MED10: variants seen among roughly 807,000 people sequenced by gnomAD.
MED10 encodes the protein mediator of RNA polymerase II transcription subunit 10.
MED10 carries 9 observed loss-of-function variants against 17.2 expected under a neutral mutation model. That is an observed-to-expected ratio of 0.52 (90% confidence interval 0.31 to 0.91). The LOEUF is 0.91. Ranked by LOEUF, MED10 falls within the 40% of genes least tolerant of loss-of-function variation. MED10 has a pLI of 0.04. For missense variants in MED10, 129 were observed against 164.8 expected (o/e 0.78, Z 1.19); for synonymous variants, 66 against 59.8 (o/e 1.10, Z -0.48).
At chr5:6,374,517 AT>A in intron 2 of MED10, 91 bp from the exon 3 acceptor site, 1 of 900,996 alleles carries the variant, frequency 1.1e-6, no homozygotes, top group Non-Finnish European at 1.8e-6. Context: ...AAGGTTAGGT[AT>A]ATATAACTGC....
rs1352078719 is a variant in MED10 at position 6,371,970 on chromosome 5, C to T, written c.*533G>A. 6.6e-6 allele frequency: 1 copy of T among 152,256 alleles called. No individual in the cohort carries two copies. Among genetic ancestry groups the T allele is most frequent in the African/African-American group, 2.4e-5 (1 of 41,426 alleles). The allele number at this position is 152,256 out of a possible 1,614,324, so 9.4% of individuals were successfully genotyped here. A position where few individuals can be genotyped will look rare whatever the true frequency, so the allele number is the denominator to read the frequency against. ...ATTATAGGCATGTCTAATTGAAATCCATGAAAACAGTTACATTTAAAACAT... is the reference window on the plus strand; with the variant it reads ...ATTATAGGCATGTCTAATTGAAATCTATGAAAACAGTTACATTTAAAACAT... On this transcript the variant is annotated 3_prime_UTR_variant, in exon 4 of 4. Coordinates refer to ENST00000255764, the MANE Select transcript of MED10 (RefSeq NM_032286.3).
At chr5:6,372,711 C>T in intron 3 of MED10, 110 bp from the exon 4 acceptor site, 1 of 789,458 alleles carries the variant, frequency 1.3e-6, no homozygotes, top group Non-Finnish European at 2.1e-6. Flanking sequence ...CAATACAGGG[C>T]CACGGGACTG....
At chr5:6,378,285 C>G in intron 1 of MED10, 77 bp downstream of exon 1, 1 of 1,466,318 alleles carries the variant, frequency 6.8e-7, no homozygotes, top group Non-Finnish European at 9.0e-7. Flanking sequence ...CTCGGGCTCC[C>G]TAGATCCCCG....
At chr5:6,374,162 T>C (rs1293610905) in intron 3 of MED10, among the ~76,000 whole-genome samples, 162 bp downstream of exon 3, 1 of 152,254 alleles carries the variant, frequency 6.6e-6, no homozygotes, top group African/African-American at 2.4e-5. Context: ...GCAGCTGATA[T>C]CTAATTTTAC....
In MED10 at chr5:6,374,424, T is replaced by C. The variant is rs1737951533; in HGVS notation, c.209A>G (p.Tyr70Cys). The C allele has an allele frequency of 6.3e-7, 1 of 1,597,954 alleles. No individual in the cohort carries two copies. Among genetic ancestry groups the C allele is most frequent in the Non-Finnish European group, 8.6e-7 (1 of 1,165,970 alleles). The change falls in exon 3 of 4, where the codon TAT becomes TGT. Residue 70 changes from tyrosine (Y) to cysteine (C), a missense_variant and splice_region_variant. Tyr to Cys is a radical substitution (Grantham distance 194). Transcript: ENST00000255764. ...CTGGGGATTTCGACCTTGATCTATA[T>C]ATCTGGAAACACGATATATTTCAAT... ...DITVPLEVFE[Y>C]IDQGRNPQLY...
Position 6,372,558 on chromosome 5 carries a change from G to A in MED10, c.353C>T (p.Pro118Leu), listed in dbSNP as rs759745949. 1.7e-5 allele frequency: 28 copies of A among 1,614,010 alleles called. No homozygotes were observed. Among genetic ancestry groups the A allele is most frequent in the South Asian group, 3.3e-5 (3 of 91,076 alleles). Residue 118 changes from proline to leucine, a missense_variant, in exon 4 of 4, where the codon CCG becomes CTG. By Grantham distance (98) the Pro-to-Leu change is moderately conservative. This residue lies in a region of MED10 where 100 missense variants were observed against 121.0 expected (regional missense o/e 0.83). Coordinates refer to ENST00000255764, the MANE Select transcript of MED10 (RefSeq NM_032286.3). ...GCTTCGATACTTAGCCATGTCTTCC[G>A]GAAATACTTTAGAAAGTTCTTGAAT... ...LLIQELSKVF[P>L]EDMAKYRSIR...
At chr5:6,374,067 A>T (rs1175591360) in intron 3 of MED10, among the ~76,000 whole-genome samples, 2 of 152,246 alleles carry the variant, frequency 1.3e-5, no homozygotes, top group African/African-American at 4.8e-5. Context: ...AATGAAAATG[A>T]TCACAGCCAG....
chr5:6,377,279 G>C lies in MED10; in HGVS notation c.123-30C>G, dbSNP rs1738014746. 3.2e-6 allele frequency: 5 copies of C among 1,555,642 alleles called. No homozygotes were observed. The African/African-American group carries it at 6.8e-5, about 21-fold the overall frequency. Reference sequence around the variant, plus strand: ...GGGAAAGGCAAACACACAGGCATCTGGTTAATTTCGCTTGACAGCATAAGC... The same window carrying C: ...GGGAAAGGCAAACACACAGGCATCTCGTTAATTTCGCTTGACAGCATAAGC... On this transcript the variant is annotated intron_variant, in intron 1 of 3. Coordinates refer to ENST00000255764, the MANE Select transcript of MED10 (RefSeq NM_032286.3).
chr5:6,378,545 G>A lies in MED10; in HGVS notation c.-62C>T. 17 of 1,548,670 alleles carry A rather than the reference G, an allele frequency of 1.1e-5. No individual in the cohort carries two copies. The highest frequency in any genetic ancestry group is 1.4e-5 in the Non-Finnish European group (16 of 1,143,656). On this transcript the variant is annotated 5_prime_UTR_variant, in exon 1 of 4. Coordinates refer to ENST00000255764, the MANE Select transcript of MED10 (RefSeq NM_032286.3). ...AGCAGCGCCGCAGGCGTGGCCCTACGCTCCCGCTTCCTGCTTCCGTCCGGA... is the reference window on the plus strand; with the variant it reads ...AGCAGCGCCGCAGGCGTGGCCCTACACTCCCGCTTCCTGCTTCCGTCCGGA...
At chr5:6,378,221 G>T (rs866063260) in intron 1 of MED10, 141 bp downstream of exon 1, 5 of 1,250,190 alleles carry the variant, frequency 4.0e-6, no homozygotes, top group Non-Finnish European at 5.3e-6. Context: ...AGGCGCCCCG[G>T]GCTCCGGGAC....
At chr5:6,378,251 G>T in intron 1 of MED10, 111 bp downstream of exon 1, 1 of 1,389,192 alleles carries the variant, frequency 7.2e-7, no homozygotes, top group Non-Finnish European at 9.5e-7. Context: ...GGGCTGGCGG[G>T]GCACGAGTAG....
Position 6,378,509 on chromosome 5 carries a change from C to G in MED10, c.-26G>C. On this transcript the variant is annotated 5_prime_UTR_variant, in exon 1 of 4. Transcript: ENST00000255764. ...CGCCTCGGCCCGTCCCCGACCCACACAGCCTCAACCAGCAGCGCCGCAGGC... is the reference window on the plus strand; with the variant it reads ...CGCCTCGGCCCGTCCCCGACCCACAGAGCCTCAACCAGCAGCGCCGCAGGC... 6.3e-7 allele frequency: 1 copy of G among 1,598,436 alleles called. No individual in the cohort carries two copies. Among genetic ancestry groups the G allele is most frequent in the Non-Finnish European group, 8.5e-7 (1 of 1,171,354 alleles).
intron 2 of MED10, 145 bp from the exon 3 acceptor site, chr5:6,374,571 A>T: frequency 1.6e-6 from 1 of 618,944 alleles, no homozygotes; most frequent in Non-Finnish European, 2.9e-6. Flanking sequence ...GAACCAGGGG[A>T]ATTAATATTC....
Position 6,374,436 on chromosome 5 carries a change from C to T in MED10, c.207-10G>A, listed in dbSNP as rs72651083. On this transcript the variant is annotated splice_polypyrimidine_tract_variant and intron_variant, in intron 2 of 3. Coordinates refer to ENST00000255764, the MANE Select transcript of MED10 (RefSeq NM_032286.3). Reference sequence around the variant, plus strand: ...ACCTTGATCTATATATCTGGAAACACGATATATTTCAATTAGCATTCTCAT... The same window carrying T: ...ACCTTGATCTATATATCTGGAAACATGATATATTTCAATTAGCATTCTCAT... The T allele has an allele frequency of 2.8e-4, 427 of 1,544,554 alleles. No individual in the cohort carries two copies. Among genetic ancestry groups the T allele is most frequent in the Non-Finnish European group, 3.6e-4 (400 of 1,116,782 alleles).
chr5:6,372,910 A>G (rs1687270065), intron 3 of MED10, among the ~76,000 whole-genome samples: 2 of 152,224 alleles, frequency 1.3e-5, no homozygotes, highest in African/African-American at 4.8e-5. Flanking sequence ...CTGTGTTCAC[A>G]TGGAGAGAGA....
chr5:6,377,567 C>T (rs1321674272), intron 1 of MED10, among the ~76,000 whole-genome samples: 1 of 152,186 alleles, frequency 6.6e-6, no homozygotes. Context: ...ACTGTGTGTG[C>T]GGTTTCAGCG....
At chr5:6,372,834 G>T (rs575592708) in intron 3 of MED10, among the ~76,000 whole-genome samples, 1 of 152,296 alleles carries the variant, frequency 6.6e-6, no homozygotes, top group East Asian at 1.9e-4. Context: ...GTTCTGTACT[G>T]CCCAAAGGCA....
chr5:6,376,919 T>G (rs1405536668), intron 2 of MED10: 2 of 330,060 alleles, frequency 6.1e-6, no homozygotes, highest in African/African-American at 4.2e-5. Context: ...ACATGTAACT[T>G]TTTTTCCACA....
At chr5:6,375,002 C>A (rs1323957228) in intron 2 of MED10, among the ~76,000 whole-genome samples, 2 of 152,130 alleles carry the variant, frequency 1.3e-5, no homozygotes, top group African/African-American at 4.8e-5. Flanking sequence ...CAAACCATTC[C>A]ACTGCTTTAA....
Sources: allele counts gnomAD v4.1 joint callset (sites outside exome capture counted in the v4.1 genomes callset), GRCh38; gene constraint gnomAD v4.1.1; regional missense constraint gnomAD v4.1.1; transcripts MANE v1.5; gene names NCBI Gene and HGNC (gene_info 2026-07-23, HGNC 2026-07-21).